The following PCDHGA1 variants were observed in gnomAD, a reference collection of about 807,000 sequenced individuals.
The protein encoded by PCDHGA1 is protocadherin gamma subfamily A, 1, also known as protocadherin gamma-A1.
In PCDHGA1, 32 loss-of-function variants were observed where a neutral mutation model predicts 58.0. The observed-to-expected ratio is 0.55, with a 90% confidence interval of 0.42 to 0.74. The LOEUF is 0.74. Among genes scored for constraint, PCDHGA1 ranks in the 30% least tolerant of loss-of-function variants. The pLI is 0.00. For synonymous variants in PCDHGA1, 498 were observed against 501.1 expected (o/e 0.99, Z 0.08); for missense variants, 1,205 against 1,182.3 (o/e 1.02, Z -0.28).
chr5:141,398,783 A>G (rs1300541880), intron 1 of PCDHGA1: 4 of 1,613,944 alleles, frequency 2.5e-6, no homozygotes, highest in Non-Finnish European at 3.4e-6. Flanking sequence ...GACGGTGGAC[A>G]TCCACCCCTA....
chr5:141,408,958 T>A, intron 1 of PCDHGA1: 8 of 1,613,670 alleles, frequency 5.0e-6, no homozygotes, highest in Non-Finnish European at 6.8e-6. Flanking sequence ...TTAGTCTTAG[T>A]GAAAATCTGC....
chr5:141,476,459 C>T lies in PCDHGA1; in HGVS notation c.2422-18348C>T. On this transcript the variant is annotated intron_variant, in intron 1 of 3. Coordinates refer to ENST00000517417, the MANE Select transcript of PCDHGA1 (RefSeq NM_018912.3). The surrounding 1 kb of genome is among the most constrained non-coding windows in gnomAD (Gnocchi z 7.6). ...AACTCTGGAGTTGGTAGTGGAGAACCCGCTGGAGCTGTTCAGCGTGGAAGT... is the reference window on the plus strand; with the variant it reads ...AACTCTGGAGTTGGTAGTGGAGAACTCGCTGGAGCTGTTCAGCGTGGAAGT... 6.2e-7 allele frequency: 1 copy of T among 1,614,048 alleles called. No individual in the cohort carries two copies. Among genetic ancestry groups the T allele is most frequent in the Non-Finnish European group, 8.5e-7 (1 of 1,180,006 alleles).
chr5:141,350,268 G>A (rs1240234728), intron 1 of PCDHGA1: 3 of 1,512,380 alleles, frequency 2.0e-6, no homozygotes, highest in East Asian at 2.3e-5. Flanking sequence ...GAAATGCAGA[G>A]AGCCAGAGAA....
chr5:141,479,211 A>G (rs2099490342), intron 1 of PCDHGA1: 1 of 152,422 alleles, frequency 6.6e-6, no homozygotes, highest in African/African-American at 2.4e-5. Context: ...AAGTATTTAA[A>G]AAATTAAAAC....
Position 141,489,424 on chromosome 5 carries a change from C to T in PCDHGA1, c.2422-5383C>T, listed in dbSNP as rs758049228. The T allele has an allele frequency of 5.0e-5, 80 of 1,613,958 alleles. No homozygotes were observed. In the Admixed American group the frequency reaches 1.1e-3, roughly 23 times the overall value. On this transcript the variant is annotated intron_variant, in intron 1 of 3. Coordinates refer to ENST00000517417, the MANE Select transcript of PCDHGA1 (RefSeq NM_018912.3). The surrounding 1 kb of genome is among the most constrained non-coding windows in gnomAD (Gnocchi z 4.5). ...CTTAAAGATGACAGATCTGTTGAGC[C>T]GGCGGCTGCAATTGGGCTCTGAGGA...
chr5:141,357,534 G>T (rs1412443239), intron 1 of PCDHGA1: 1 of 1,614,206 alleles, frequency 6.2e-7, no homozygotes, highest in Non-Finnish European at 8.5e-7. Context: ...ATGCAGACAC[G>T]CTCATCAGCC....
chr5:141,355,308 T>C, intron 1 of PCDHGA1: 1 of 1,613,914 alleles, frequency 6.2e-7, no homozygotes, highest in Non-Finnish European at 8.5e-7. Flanking sequence ...ACTCGGTGTT[T>C]GAGGAGCAGG....
intron 1 of PCDHGA1, chr5:141,403,095 T>A (rs754367041): frequency 6.2e-7 from 1 of 1,614,026 alleles, no homozygotes; most frequent in East Asian, 2.2e-5. Flanking sequence ...GTGGGCAACA[T>A]CTCCAAGGAC....
chr5:141,344,776 G>A (rs774225776), intron 1 of PCDHGA1: 6 of 1,613,830 alleles, frequency 3.7e-6, no homozygotes, highest in Admixed American at 3.3e-5. Context: ...CCTGAGTACC[G>A]TGTGAGTGTT....
chr5:141,504,561 T>G (rs1023434942), intron 2 of PCDHGA1, among the ~76,000 whole-genome samples: 1 of 150,052 alleles, frequency 6.7e-6, no homozygotes, highest in Non-Finnish European at 1.5e-5. Context: ...GGGACTGGCA[T>G]TCTAGGGAAC....
chr5:141,404,021 A>G, intron 1 of PCDHGA1: 1 of 1,613,894 alleles, frequency 6.2e-7, no homozygotes, highest in Non-Finnish European at 8.5e-7. Flanking sequence ...TAGCCCAGTG[A>G]GAGAAGACGC....
chr5:141,376,578 AT>A (rs1281725359), intron 1 of PCDHGA1: 1 of 1,590,896 alleles, frequency 6.3e-7, no homozygotes, highest in South Asian at 1.1e-5. Flanking sequence ...AGACAGGCTC[AT>A]CAGCTAGATC....
chr5:141,376,297 G>A (rs1283407370), intron 1 of PCDHGA1: 4 of 1,614,068 alleles, frequency 2.5e-6, no homozygotes, highest in Admixed American at 3.3e-5. Flanking sequence ...TGCCCGGCTC[G>A]CACTTTGTGG....
intron 1 of PCDHGA1, chr5:141,410,023 C>A: frequency 6.2e-7 from 1 of 1,613,310 alleles, no homozygotes; most frequent in South Asian, 1.1e-5. Context: ...TGTCCTACCA[C>A]GTGCTGCAGG....
intron 1 of PCDHGA1, chr5:141,393,946 A>G (rs1417125080): frequency 4.3e-6 from 7 of 1,613,892 alleles, no homozygotes; most frequent in Non-Finnish European, 4.2e-6. Context: ...GACTCTGGAA[A>G]GAATGGTCAA....
At chr5:141,426,174 G>A (rs1213063298) in intron 1 of PCDHGA1, 1 of 155,354 alleles carries the variant, frequency 6.4e-6, no homozygotes, top group Non-Finnish European at 1.4e-5. Flanking sequence ...ACGGATTGGG[G>A]TGCCCTCAAA....
At chr5:141,356,931 G>A (rs1760396765) in intron 1 of PCDHGA1, 2 of 1,614,074 alleles carry the variant, frequency 1.2e-6, no homozygotes, top group Non-Finnish European at 1.7e-6. Context: ...GTGTGGAGCT[G>A]GCACCCCGCT....
intron 1 of PCDHGA1, chr5:141,344,735 T>G: frequency 1.2e-6 from 2 of 1,613,996 alleles, no homozygotes; most frequent in South Asian, 2.2e-5. Flanking sequence ...TAGTCCTGGA[T>G]GCAAATGACA....
At chr5:141,372,747 G>C (rs749618566) in intron 1 of PCDHGA1, 2 of 1,613,418 alleles carry the variant, frequency 1.2e-6, no homozygotes, top group Non-Finnish European at 1.7e-6. Flanking sequence ...ATGTGATGAA[G>C]CCTCTTGGTT....
Sources: allele counts gnomAD v4.1 joint callset (sites outside exome capture counted in the v4.1 genomes callset), GRCh38; gene constraint gnomAD v4.1.1; non-coding constraint Gnocchi (gnomAD v3.1); transcripts MANE v1.5; gene names NCBI Gene and HGNC (gene_info 2026-07-23, HGNC 2026-07-21).